ITIH6: variants seen among roughly 807,000 people sequenced by gnomAD.
The protein encoded by ITIH6 is inter-alpha-trypsin inhibitor heavy chain H6.
In ITIH6, 60 loss-of-function variants were observed where a neutral mutation model predicts 58.2. The observed-to-expected ratio is 1.03, with a 90% CI of 0.84 to 1.28. The LOEUF (loss-of-function observed/expected upper bound fraction) is 1.28, where lower values mean the gene tolerates loss of function less well. Ranked by LOEUF, ITIH6 falls within the 50% of genes most tolerant of loss-of-function variation. The probability of loss-of-function intolerance (pLI) is 0.00; values close to 1 mark genes in which losing one functional copy is unlikely to be tolerated. For synonymous variants in ITIH6, 493 were observed against 417.4 expected (o/e 1.18, Z -2.21); for missense variants, 1,290 against 1,021.1 (o/e 1.26, Z -3.59).
chrX:54,760,841 T>C (rs1279236291), intron 6 of ITIH6, among the ~76,000 whole-genome samples: 7 of 112,010 alleles, frequency 6.2e-5, no homozygotes, highest in Non-Finnish European at 1.1e-4. Flanking sequence ...CTATCATTGT[T>C]GGACATTTGG....
At position 54,788,478 on chromosome X, in the gene ITIH6, A is replaced by C. The variant is rs1231068739; in HGVS notation, c.786+2T>G. 3 of 1,206,778 alleles carry C rather than the reference A, an allele frequency of 2.5e-6. No homozygotes were observed. The highest frequency in any genetic ancestry group is 3.4e-6 in the Non-Finnish European group (3 of 893,073). Reference sequence around the variant, plus strand: ...TCTCTCCTCTTCCCCAGGCCCCCTCACCTGCACGTCTCCAATGATGTCCTC... The same window carrying C: ...TCTCTCCTCTTCCCCAGGCCCCCTCCCCTGCACGTCTCCAATGATGTCCTC... On this transcript the variant is annotated splice_donor_variant, in intron 5 of 12. Transcript: ENST00000218436. LOFTEE classifies it high-confidence loss of function.
chrX:54,762,639 T>G (rs1928673337), intron 6 of ITIH6, among the ~76,000 whole-genome samples: 1 of 112,343 alleles, frequency 8.9e-6, no homozygotes, highest in Non-Finnish European at 1.9e-5. Context: ...CTTCCTTAAG[T>G]TGCCAACCCT....
chrX:54,795,148 C>T (rs750589734), intron 2 of ITIH6, among the ~76,000 whole-genome samples: 3 of 111,694 alleles, frequency 2.7e-5, no homozygotes, highest in Non-Finnish European at 5.6e-5. Flanking sequence ...TCTGCTACCA[C>T]TTCACAATCA....
At chrX:54,764,531 T>G (rs1362653242) in intron 6 of ITIH6, among the ~76,000 whole-genome samples, 2 of 107,204 alleles carry the variant, frequency 1.9e-5, no homozygotes, top group African/African-American at 6.8e-5. Context: ...GTTCTTGCGA[T>G]AGTTTACTGA....
Position 54,751,298 on chromosome X carries a change from G to A in ITIH6, c.3435C>T (p.Ile1145=). The change falls in exon 12 of 13, where the codon ATC becomes ATT. Residue 1145 remains isoleucine (I), a synonymous_variant. Transcript: ENST00000218436. ...KDQTRTYFQI[I]TVTTDKPRAY... is the part of the protein sequence containing the mutation. ...CCCGGGGTTTGTCTGTAGTGACTGTGATGATCTGGAAGTAGGTGCGAGTCT... is the reference window on the plus strand; with the variant it reads ...CCCGGGGTTTGTCTGTAGTGACTGTAATGATCTGGAAGTAGGTGCGAGTCT... 1 of 1,211,908 alleles carries A rather than the reference G, an allele frequency of 8.3e-7. No homozygotes were observed. The highest frequency in any genetic ancestry group is 1.1e-6 in the Non-Finnish European group (1 of 895,424).
intron 5 of ITIH6, among the ~76,000 whole-genome samples, chrX:54,785,704 G>A (rs1488530534): frequency 4.5e-5 from 5 of 111,486 alleles, no homozygotes; most frequent in Non-Finnish European, 5.6e-5. Flanking sequence ...CCTTCGCAGT[G>A]CTTCCCATTA....
chrX:54,763,088 A>G (rs1043312828), intron 6 of ITIH6, among the ~76,000 whole-genome samples: 5 of 112,148 alleles, frequency 4.5e-5, no homozygotes, highest in Admixed American at 9.5e-5. Context: ...TTTTAAATCC[A>G]GTGACCCTAA....
In ITIH6 at chrX:54,758,000, C is replaced by T. The variant is rs35300129; in HGVS notation, c.2074G>A (p.Glu692Lys). 7.3e-4 allele frequency: 889 copies of T among 1,210,005 alleles called. 4 individuals are homozygous for T. The African/African-American group carries it at 0.014, about 19-fold the overall frequency. The change falls in exon 8 of 13, where the codon GAG (glutamate) becomes AAG (lysine). Residue 692 changes from glutamate (E) to lysine (K), a missense_variant. Physicochemically the swap from Glu to Lys is moderately conservative, Grantham distance 56. Transcript: ENST00000218436. ...GGCATTGACAGGGTATGAGGGCTCT[C>T]TCCCAATGGCTCCAGCTCTTTGGAA... ...LSSKELEPLGESPHTLSMPTY... is the reference protein window; with the variant it reads ...LSSKELEPLGKSPHTLSMPTY...
At chrX:54,795,080 C>T (rs1019582648) in intron 2 of ITIH6, among the ~76,000 whole-genome samples, 1 of 111,914 alleles carries the variant, frequency 8.9e-6, no homozygotes, top group Non-Finnish European at 1.9e-5. Flanking sequence ...GCAACTCCTA[C>T]GTGGATTCTG....
At chrX:54,751,675 A>G (rs772030671) in intron 11 of ITIH6, among the ~76,000 whole-genome samples, 13 of 112,171 alleles carry the variant, frequency 1.2e-4, no homozygotes, top group South Asian at 3.7e-4. Context: ...AAGTCTGGGC[A>G]TATCAGTACA....
chrX:54,773,832 C>T (rs1406677672), intron 6 of ITIH6, among the ~76,000 whole-genome samples: 2 of 110,428 alleles, frequency 1.8e-5, no homozygotes, highest in Admixed American at 1.9e-4. Flanking sequence ...TGACCCTGGG[C>T]TTTCGTGGTT....
rs368811375 is a variant in ITIH6 at position 54,757,826 on chromosome X, C to T, written c.2248G>A (p.Asp750Asn). The T allele has an allele frequency of 5.8e-6, 7 of 1,211,337 alleles. No individual in the cohort carries two copies. Among genetic ancestry groups the T allele is most frequent in the Non-Finnish European group, 7.8e-6 (7 of 895,269 alleles). Residue 750 changes from aspartate (D) to asparagine (N), a missense_variant, in exon 8 of 13, where the codon GAT (aspartate) becomes AAT (asparagine). By Grantham distance (23) the Asp-to-Asn change is conservative. Transcript: ENST00000218436. ...KPGSLSHQNP[D>N]ILPTNSRTQV... ...GTCCTGGAGTTCGTGGGTAATATAT[C>T]AGGATTCTGGTGTGATAGAGAGCCG...
intron 6 of ITIH6, among the ~76,000 whole-genome samples, chrX:54,769,617 G>C (rs1381325056): frequency 2.9e-5 from 3 of 103,399 alleles, no homozygotes; most frequent in Non-Finnish European, 5.9e-5. Flanking sequence ...CTCAGCTGCA[G>C]GTCTGTTGGA....
intron 4 of ITIH6, among the ~76,000 whole-genome samples, chrX:54,789,330 T>C (rs1311000146): frequency 1.8e-5 from 2 of 111,392 alleles, no homozygotes; most frequent in East Asian, 5.7e-4. Context: ...CTGTGCCTCC[T>C]TTTTTTCCAG....
intron 4 of ITIH6, among the ~76,000 whole-genome samples, chrX:54,790,582 A>AT (rs373790987): frequency 0.08 from 8,234 of 102,887 alleles, 839 homozygotes; most frequent in African/African-American, 0.27. Context: ...CTTATCACTG[A>AT]TTTTTTTTTT....
rs751222928 is a variant in ITIH6 at position 54,758,224 on chromosome X, C to G, written c.1850G>C (p.Ser617Thr). The G allele has an allele frequency of 6.6e-6, 8 of 1,211,212 alleles. No individual in the cohort carries two copies. In the East Asian group the frequency reaches 2.4e-4, roughly 36 times the overall value. The change falls in exon 8 of 13, where the codon AGT becomes ACT. Residue 617 changes from serine to threonine, a missense_variant. Coordinates refer to ENST00000218436, the MANE Select transcript of ITIH6 (RefSeq NM_198510.3). ...GGAAGTCTGTCTCCTGGTCTCCTCACTGGCCTGTTTGGGTTGCACCATGAC... is the reference window on the plus strand; with the variant it reads ...GGAAGTCTGTCTCCTGGTCTCCTCAGTGGCCTGTTTGGGTTGCACCATGAC... ...SLVMVQPKQA[S>T]EETRRQTSTS...
intron 5 of ITIH6, among the ~76,000 whole-genome samples, chrX:54,784,265 A>C (rs1323549325): frequency 8.9e-6 from 1 of 111,990 alleles, no homozygotes; most frequent in Non-Finnish European, 1.9e-5. Context: ...GAAAATCGCC[A>C]GGGCATTGGT....
chrX:54,793,664 G>C (rs1929386827), intron 2 of ITIH6, among the ~76,000 whole-genome samples: 1 of 111,931 alleles, frequency 8.9e-6, no homozygotes, highest in South Asian at 3.7e-4. Flanking sequence ...TTTGTGGAGT[G>C]GACATCCTGG....
At chrX:54,781,114 C>T (rs1470076954) in intron 5 of ITIH6, among the ~76,000 whole-genome samples, 6 of 111,325 alleles carry the variant, frequency 5.4e-5, no homozygotes, top group East Asian at 2.8e-4. Flanking sequence ...AAAACTTAAA[C>T]GTAAAACCCA....
Sources: gnomAD v4.1 joint callset for allele counts (sites outside exome capture counted in the v4.1 genomes callset) on GRCh38, gnomAD v4.1.1 for gene constraint, MANE v1.5 for transcripts, NCBI Gene and HGNC (gene_info 2026-07-23, HGNC 2026-07-21) for gene names.